The following C4orf46 variants were observed in gnomAD, a reference collection of about 807,000 sequenced individuals.
C4orf46 encodes chromosome 4 open reading frame 46.
C4orf46 carries 8 observed loss-of-function variants against 9.1 expected under a neutral mutation model. That is an observed-to-expected ratio of 0.88 (90% CI 0.52 to 1.59). The LOEUF (loss-of-function observed/expected upper bound fraction) is 1.59, where lower values mean the gene tolerates loss of function less well. Among genes scored for constraint, C4orf46 ranks in the 40% most tolerant of loss-of-function variants. The pLI is 0.00. For missense variants in C4orf46, 151 were observed against 139.1 expected (o/e 1.09, Z -0.43); for synonymous variants, 51 against 58.8 (o/e 0.87, Z 0.61).
chr4:158,669,750 T>G lies in C4orf46; in HGVS notation c.205A>C (p.Lys69Gln). 1 of 1,601,974 alleles carries G rather than the reference T, an allele frequency of 6.2e-7. No individual in the cohort carries two copies. Among genetic ancestry groups the G allele is most frequent in the Non-Finnish European group, 8.5e-7 (1 of 1,176,174 alleles). The change falls in exon 2 of 2, where the codon AAA becomes CAA. Residue 69 changes from lysine (K) to glutamine (Q), a missense_variant. Coordinates refer to ENST00000379205, the MANE Select transcript of C4orf46 (RefSeq NM_001008393.4). The stretch of plus-strand genomic sequence containing the variant: ...ACTGCAGATGTGGCTTCAAGAAGTT[T>G]GGTTAATGAAAAGGCTGCCTAAAAA... ...QIGDAAFSLT[K>Q]LLEATSAVSA...
Position 158,669,681 on chromosome 4 carries a change from C to T in C4orf46, c.274G>A (p.Ala92Thr). The change falls in exon 2 of 2, where the codon GCA (alanine) becomes ACA (threonine). Residue 92 changes from alanine to threonine, a missense_variant. Physicochemically the swap from Ala to Thr is moderately conservative, Grantham distance 58. Transcript: ENST00000379205. ...EELAFKCTENARFLKTWRDLL... is the reference protein window; with the variant it reads ...EELAFKCTENTRFLKTWRDLL... ...TCCCGCCACGTTTTAAGGAAACGTG[C>T]ATTTTCTGTACATTTGAAGGCAAGT... 2 of 1,613,780 alleles carry T rather than the reference C, an allele frequency of 1.2e-6. No individual in the cohort carries two copies. Among genetic ancestry groups the T allele is most frequent in the Non-Finnish European group, 1.7e-6 (2 of 1,179,812 alleles).
Position 158,671,616 on chromosome 4 carries a change from G to A in C4orf46, c.186C>T (p.Asp62=). The change falls in exon 1 of 2, where the codon GAC becomes GAT. Residue 62 remains aspartate (D), a splice_region_variant and synonymous_variant. Coordinates refer to ENST00000379205, the MANE Select transcript of C4orf46 (RefSeq NM_001008393.4). The part of the protein sequence containing the change: ...QLEEVELQIG[D]AAFSLTKLLE... ...GACGCGGTCCCGACACCACACTCAC[G>A]TCTCCGATCTGCAGCTCCACTTCCT... 1.3e-6 allele frequency: 2 copies of A among 1,546,740 alleles called. No individual in the cohort carries two copies. The highest frequency in any genetic ancestry group is 1.8e-6 in the Non-Finnish European group (2 of 1,142,494).
rs1773404537 is a variant in C4orf46 at position 158,667,282 on chromosome 4, T to G, written c.*2331A>C. 1 of 152,154 alleles carries G rather than the reference T, an allele frequency of 6.6e-6. No individual in the cohort carries two copies. Among genetic ancestry groups the G allele is most frequent in the Non-Finnish European group, 1.5e-5 (1 of 68,030 alleles). 9.4% of individuals were successfully genotyped at this position (152,154 alleles called of 1,614,324 possible). A position where few individuals can be genotyped will look rare whatever the true frequency, so the allele number is the denominator to read the frequency against. ...ATCATGCCATAAAAGAAAACAAATTTCAGTTGGACTAAACATCTAAATGTT... is the reference window on the plus strand; with the variant it reads ...ATCATGCCATAAAAGAAAACAAATTGCAGTTGGACTAAACATCTAAATGTT... On this transcript the variant is annotated 3_prime_UTR_variant, in exon 2 of 2. Coordinates refer to ENST00000379205, the MANE Select transcript of C4orf46 (RefSeq NM_001008393.4).
intron 1 of C4orf46, among the ~76,000 whole-genome samples, chr4:158,670,184 CA>C (rs1311601296): frequency 6.6e-6 from 1 of 152,010 alleles, no homozygotes; most frequent in East Asian, 1.9e-4. Flanking sequence ...CCACCACGCA[CA>C]GCTAATTTTG....
At chr4:158,670,028 T>TTTTTTTTTTTTTG (rs60999542) in intron 1 of C4orf46, among the ~76,000 whole-genome samples, 9 of 113,144 alleles carry the variant, frequency 8.0e-5, no homozygotes, top group South Asian at 2.8e-4. Flanking sequence ...GTTTTCTTTT[T>TTTTTTTTTTTTTG]TTTTTTTTTT....
In C4orf46 at chr4:158,671,588, G is replaced by T. The variant is rs775644595; in HGVS notation, c.186+28C>A. The T allele has an allele frequency of 2.9e-5, 42 of 1,459,496 alleles. No homozygotes were observed. In the Middle Eastern group the frequency reaches 1.2e-3, roughly 43 times the overall value. The allele number at this position is 1,459,496 out of a possible 1,614,324, so 90.4% of individuals were successfully genotyped here. A position where few individuals can be genotyped will look rare whatever the true frequency, so the allele number is the denominator to read the frequency against. On this transcript the variant is annotated intron_variant, in intron 1 of 1. Coordinates refer to ENST00000379205, the MANE Select transcript of C4orf46 (RefSeq NM_001008393.4). ...GCCGGTCTTCCCAGAGGCGCCGAGG[G>T]GGGACGCGGTCCCGACACCACACTC...
rs1773383838 is a variant in C4orf46 at position 158,666,708 on chromosome 4, T to C, written c.*2905A>G. ...AGAAAAACAAGTAATTTTATTAATA[T>C]ATGCAACGTACATCACACAGGAGAA... On this transcript the variant is annotated 3_prime_UTR_variant, in exon 2 of 2. Transcript: ENST00000379205. 6.6e-6 allele frequency: 1 copy of C among 152,164 alleles called. No homozygotes were observed. Among genetic ancestry groups the C allele is most frequent in the South Asian group, 2.1e-4 (1 of 4,836 alleles). The allele number at this position is 152,164 out of a possible 1,614,324, so 9.4% of individuals were successfully genotyped here. A position where few individuals can be genotyped will look rare whatever the true frequency, so the allele number is the denominator to read the frequency against.
chr4:158,669,867 GTTA>G, intron 1 of C4orf46, 99 bp from the exon 2 acceptor site: 1 of 962,192 alleles, frequency 1.0e-6, no homozygotes. Flanking sequence ...CAATGCCCAT[GTTA>G]TTTTCTTTCA....
rs571538947 is a variant in C4orf46 at position 158,669,312 on chromosome 4, G to C, written c.*301C>G. On this transcript the variant is annotated 3_prime_UTR_variant, in exon 2 of 2. Coordinates refer to ENST00000379205, the MANE Select transcript of C4orf46 (RefSeq NM_001008393.4). ...AAACAAATAATGGTCTACCTAGTTT[G>C]CTACTGGTAGCACTGTGGCTCTATT... The C allele has an allele frequency of 9.2e-5, 19 of 207,622 alleles. No individual in the cohort carries two copies. Among genetic ancestry groups the C allele is most frequent in the African/African-American group, 4.4e-4 (19 of 43,548 alleles). The allele number at this position is 207,622 out of a possible 1,614,324, so 12.9% of individuals were successfully genotyped here. A position where few individuals can be genotyped will look rare whatever the true frequency, so the allele number is the denominator to read the frequency against.
Position 158,669,178 on chromosome 4 carries a change from A to G in C4orf46, c.*435T>C, listed in dbSNP as rs1220064117. The G allele has an allele frequency of 6.5e-6, 1 of 153,428 alleles. No individual in the cohort carries two copies. The highest frequency in any genetic ancestry group is 1.5e-5 in the Non-Finnish European group (1 of 68,946). The allele number at this position is 153,428 out of a possible 1,614,324, so 9.5% of individuals were successfully genotyped here. On this transcript the variant is annotated 3_prime_UTR_variant, in exon 2 of 2. Coordinates refer to ENST00000379205, the MANE Select transcript of C4orf46 (RefSeq NM_001008393.4). Reference sequence around the variant, plus strand: ...AAGACACAATCATTAGCTGTAGACAACTTAGCCTAACGGAGCTGGATCCAC... The same window carrying G: ...AAGACACAATCATTAGCTGTAGACAGCTTAGCCTAACGGAGCTGGATCCAC...
At chr4:158,671,903 G>A, upstream of C4orf46, 2 of 974,792 alleles carry the variant, frequency 2.1e-6, no homozygotes, top group Non-Finnish European at 2.9e-6. Context: ...GCCTCCTAAC[G>A]CCAGAAATCC....
chr4:158,670,700 A>G (rs947998949), intron 1 of C4orf46, among the ~76,000 whole-genome samples: 1 of 152,224 alleles, frequency 6.6e-6, no homozygotes, highest in African/African-American at 2.4e-5. Context: ...TTCTGCAAAA[A>G]TAAAAGCTGG....
In C4orf46 at chr4:158,667,816, G is replaced by C. The variant is rs1773421122; in HGVS notation, c.*1797C>G. The C allele has an allele frequency of 6.6e-6, 1 of 152,184 alleles. No individual in the cohort carries two copies. The highest frequency in any genetic ancestry group is 1.5e-5 in the Non-Finnish European group (1 of 68,044). The allele number at this position is 152,184 out of a possible 1,614,324, so 9.4% of individuals were successfully genotyped here. A position where few individuals can be genotyped will look rare whatever the true frequency, so the allele number is the denominator to read the frequency against. On this transcript the variant is annotated 3_prime_UTR_variant, in exon 2 of 2. Coordinates refer to ENST00000379205, the MANE Select transcript of C4orf46 (RefSeq NM_001008393.4). ...TAAAATGCAGGAGAAGGCTATACTGGGGCATGAACACCAGGAGGCCAGGGA... is the reference window on the plus strand; with the variant it reads ...TAAAATGCAGGAGAAGGCTATACTGCGGCATGAACACCAGGAGGCCAGGGA...
At chr4:158,672,035 A>T (rs537305326), upstream of C4orf46, 41 of 555,058 alleles carry the variant, frequency 7.4e-5, no homozygotes, top group East Asian at 1.2e-3. Flanking sequence ...CCTCCAATCG[A>T]TCTCGAAGGG....
At position 158,670,602 on chromosome 4, in the gene C4orf46, G is replaced by A. The variant is rs62351197; in HGVS notation, c.187-834C>T. Among the ~76,000 whole-genome samples, 1,193 of 152,184 alleles carry A rather than the reference G, an allele frequency of 7.8e-3. 35 individuals carry two copies. Among genetic ancestry groups the A allele is most frequent in the South Asian group, 0.077 (371 of 4,824 alleles). On this transcript the variant is annotated intron_variant, in intron 1 of 1. Transcript: ENST00000379205. ...TGGAAAATTCACTTTTCAGCCAAACGTTTTCTTCACCAATGATATAAAATA... is the reference window on the plus strand; with the variant it reads ...TGGAAAATTCACTTTTCAGCCAAACATTTTCTTCACCAATGATATAAAATA...
At position 158,668,965 on chromosome 4, in the gene C4orf46, T is replaced by TA. The variant is rs1365768243; in HGVS notation, c.*647dup. 2.6e-5 allele frequency: 4 copies of TA among 152,160 alleles called. No homozygotes were observed. Among genetic ancestry groups the TA allele is most frequent in the East Asian group, 1.9e-4 (1 of 5,206 alleles). The allele number at this position is 152,160 out of a possible 1,614,324, so 9.4% of individuals were successfully genotyped here. A position where few individuals can be genotyped will look rare whatever the true frequency, so the allele number is the denominator to read the frequency against. On this transcript the variant is annotated 3_prime_UTR_variant, in exon 2 of 2. Coordinates refer to ENST00000379205, the MANE Select transcript of C4orf46 (RefSeq NM_001008393.4). ...CCTATCATCAAAGTCCAAATCTCTG[T>TA]AAAAAAAGAATGTTTTTCTTCAAGT...
chr4:158,667,913 T>G lies in C4orf46; in HGVS notation c.*1700A>C, dbSNP rs1055543823. ...TTTTGTAGCGCTTTTAAAAAATATATTTGTATTAAAAATATAAAAACACAT... is the reference window on the plus strand; with the variant it reads ...TTTTGTAGCGCTTTTAAAAAATATAGTTGTATTAAAAATATAAAAACACAT... On this transcript the variant is annotated 3_prime_UTR_variant, in exon 2 of 2. Transcript: ENST00000379205. 9 of 152,152 alleles carry G rather than the reference T, an allele frequency of 5.9e-5. No individual in the cohort carries two copies. The highest frequency in any genetic ancestry group is 2.2e-4 in the African/African-American group (9 of 41,416). The allele number at this position is 152,152 out of a possible 1,614,324, so 9.4% of individuals were successfully genotyped here.
chr4:158,671,350 A>G (rs905171327), intron 1 of C4orf46, among the ~76,000 whole-genome samples: 1 of 152,212 alleles, frequency 6.6e-6, no homozygotes. Flanking sequence ...GCGAGACAAA[A>G]AGAAACCAGT....
At chr4:158,671,251 T>G (rs895974305) in intron 1 of C4orf46, among the ~76,000 whole-genome samples, 2 of 151,936 alleles carry the variant, frequency 1.3e-5, no homozygotes, top group Non-Finnish European at 2.9e-5. Context: ...AAAACTATTC[T>G]CCGATGGGAA....
Sources: allele counts gnomAD v4.1 joint callset (sites outside exome capture counted in the v4.1 genomes callset), GRCh38; gene constraint gnomAD v4.1.1; transcripts MANE v1.5; gene names NCBI Gene and HGNC (gene_info 2026-07-23, HGNC 2026-07-21).